Variants in DENND4C observed in about 807,000 individuals in gnomAD.
DENND4C encodes the protein DENN domain containing 4C.
Under a neutral mutation model 203.0 loss-of-function variants are expected in DENND4C, and 108 were observed. The ratio of observed to expected loss-of-function variants is 0.53; its 90% confidence interval spans 0.46 to 0.62. The LOEUF (loss-of-function observed/expected upper bound fraction) is 0.62, where lower values mean the gene tolerates loss of function less well. Among genes scored for constraint, DENND4C ranks in the 20% least tolerant of loss-of-function variants. DENND4C has a pLI of 0.00. For missense variants in DENND4C, 2,481 were observed against 2,301.2 expected (o/e 1.08, Z -1.60); for synonymous variants, 871 against 792.4 (o/e 1.10, Z -1.67).
In DENND4C at chr9:19,346,278, C is replaced by T. The variant is rs1053333770; in HGVS notation, c.3509C>T (p.Pro1170Leu). 1 of 1,614,032 alleles carries T rather than the reference C, an allele frequency of 6.2e-7. No individual in the cohort carries two copies. The highest frequency in any genetic ancestry group is 8.5e-7 in the Non-Finnish European group (1 of 1,180,032). The change falls in exon 23 of 33, where the codon CCT (proline) becomes CTT (leucine). Residue 1170 changes from proline to leucine, a missense_variant. By Grantham distance (98) the Pro-to-Leu change is moderately conservative (BLOSUM62 -3). Around this residue, in one of 3 missense-constraint regions of DENND4C, gnomAD observed 2,289 missense variants for 2,113.3 expected, o/e 1.08. Coordinates refer to ENST00000434457, the MANE Select transcript of DENND4C (RefSeq NM_001330640.2). The part of the protein sequence containing the change: ...RTCMSESTWN[P>L]EHRSSPVPEM... The stretch of plus-strand genomic sequence containing the variant: ...TGTATGTCTGAAAGCACTTGGAATC[C>T]TGAGCACAGATCATCTCCGGTGCCA...
At chr9:19,258,914 C>T (rs2131729422) in intron 1 of DENND4C, among the ~76,000 whole-genome samples, 1 of 152,264 alleles carries the variant, frequency 6.6e-6, no homozygotes, top group Non-Finnish European at 1.5e-5. Flanking sequence ...CTCGGCCTCC[C>T]AAAGTGCTGG....
Position 19,296,011 on chromosome 9 carries a change from T to G in DENND4C, c.805T>G (p.Tyr269Asp), listed in dbSNP as rs777872951. 1 of 1,610,076 alleles carries G rather than the reference T, an allele frequency of 6.2e-7. No homozygotes were observed. The highest frequency in any genetic ancestry group is 8.5e-7 in the Non-Finnish European group (1 of 1,176,492). Reference sequence around the variant, plus strand: ...ACAGAATTCTGTTACTCTTTAGGTATATGGAGCTGCCATTCAGTTTTATGA... The same window carrying G: ...ACAGAATTCTGTTACTCTTTAGGTAGATGGAGCTGCCATTCAGTTTTATGA... The part of the protein sequence containing the change: ...VLTGSSAKKV[Y>D]GAAIQFYEPY... The change falls in exon 6 of 33, where the codon TAT (tyrosine) becomes GAT (aspartate). Residue 269 changes from tyrosine (Y) to aspartate (D), a missense_variant. Tyr to Asp is a radical substitution (Grantham distance 160). Around this residue, in one of 3 missense-constraint regions of DENND4C, gnomAD observed 2,289 missense variants for 2,113.3 expected, o/e 1.08. Coordinates refer to ENST00000434457, the MANE Select transcript of DENND4C (RefSeq NM_001330640.2).
At chr9:19,321,050 G>A (rs1842795521) in intron 12 of DENND4C, among the ~76,000 whole-genome samples, 1 of 152,192 alleles carries the variant, frequency 6.6e-6, no homozygotes, top group Non-Finnish European at 1.5e-5. Flanking sequence ...ATTAGTGCTG[G>A]TTTCAGTTTT....
At chr9:19,343,447 A>T (rs1366013784) in intron 22 of DENND4C, among the ~76,000 whole-genome samples, 1 of 152,220 alleles carries the variant, frequency 6.6e-6, no homozygotes, top group Admixed American at 6.5e-5. Flanking sequence ...GCTGCAGTTG[A>T]CTTTTCTGAA....
At chr9:19,293,402 G>A (rs1326624280) in intron 5 of DENND4C, among the ~76,000 whole-genome samples, 1 of 152,174 alleles carries the variant, frequency 6.6e-6, no homozygotes, top group Admixed American at 6.5e-5. Flanking sequence ...CAGTTGGCAA[G>A]ATTTATAAAA....
chr9:19,270,979 G>A (rs1199015043), intron 1 of DENND4C, among the ~76,000 whole-genome samples: 3 of 152,110 alleles, frequency 2.0e-5, no homozygotes, highest in African/African-American at 7.2e-5. Flanking sequence ...ATTCACAGTA[G>A]CATCTAAATT....
intron 9 of DENND4C, among the ~76,000 whole-genome samples, 170 bp from the exon 10 acceptor site, chr9:19,305,182 T>G (rs1034777530): frequency 6.6e-6 from 1 of 152,344 alleles, no homozygotes; most frequent in East Asian, 1.9e-4. Context: ...ACATTTGTTC[T>G]TAGCATTGCT....
chr9:19,335,114 G>T lies in DENND4C; in HGVS notation c.2589+9G>T. ...ATGGTTATTATAATAAGGTAAGTAG[G>T]ATCGACATTAGGCAAGATGTGGTGT... On this transcript the variant is annotated intron_variant, in intron 18 of 32. Transcript: ENST00000434457. The T allele has an allele frequency of 6.4e-7, 1 of 1,552,282 alleles. No homozygotes were observed. The highest frequency in any genetic ancestry group is 1.4e-5 in the African/African-American group (1 of 73,104).
chr9:19,265,674 A>G (rs1056219936), intron 1 of DENND4C, among the ~76,000 whole-genome samples: 4 of 152,008 alleles, frequency 2.6e-5, no homozygotes, highest in East Asian at 1.9e-4. Flanking sequence ...TTATTGTTCA[A>G]TTCCCACCTA....
Position 19,324,259 on chromosome 9 carries a change from A to T in DENND4C, c.1808-103A>T, listed in dbSNP as rs188575929. The stretch of plus-strand genomic sequence containing the variant: ...TTTTTAAATATGGATATATATATGT[A>T]TATATAAAGAGAATGTAATATAGAT... On this transcript the variant is annotated intron_variant, in intron 12 of 32. Coordinates refer to ENST00000434457, the MANE Select transcript of DENND4C (RefSeq NM_001330640.2). 277 of 769,440 alleles carry T rather than the reference A, an allele frequency of 3.6e-4. 2 individuals are homozygous for T. The African/African-American group carries it at 4.4e-3, about 12-fold the overall frequency. 47.7% of individuals were successfully genotyped at this position (769,440 alleles called of 1,614,324 possible).
chr9:19,242,662 T>G (rs1436777900), intron 1 of DENND4C, among the ~76,000 whole-genome samples: 1 of 152,146 alleles, frequency 6.6e-6, no homozygotes, highest in Non-Finnish European at 1.5e-5. Context: ...TTCTTTTTTT[T>G]TTTTTGTTTT....
intron 22 of DENND4C, among the ~76,000 whole-genome samples, chr9:19,345,226 A>C (rs1266920117): frequency 6.6e-6 from 1 of 152,232 alleles, no homozygotes; most frequent in Admixed American, 6.5e-5. Flanking sequence ...TTCTTTTTCC[A>C]AAGCTGGGGG....
At position 19,275,819 on chromosome 9, in the gene DENND4C, C is replaced by T. The variant is rs373919726; in HGVS notation, c.-17-339C>T. ...ACAGGGTTTCACCAGGTTGGGCACA[C>T]TGGTCGCGAACTTAAGACCTCAGGT... is the stretch of plus-strand genomic sequence containing the variant. On this transcript the variant is annotated intron_variant, in intron 1 of 32. Transcript: ENST00000434457. Among the ~76,000 whole-genome samples the T allele has an allele frequency of 1.8e-4, 27 of 152,272 alleles. No individual in the cohort carries two copies. The East Asian group carries it at 3.5e-3, about 20-fold the overall frequency.
chr9:19,335,020 A>G lies in DENND4C; in HGVS notation c.2504A>G (p.His835Arg), dbSNP rs1563814720. 1.2e-6 allele frequency: 2 copies of G among 1,612,550 alleles called. No homozygotes were observed. Among genetic ancestry groups the G allele is most frequent in the Non-Finnish European group, 1.7e-6 (2 of 1,179,464 alleles). The change falls in exon 18 of 33, where the codon CAT becomes CGT. Residue 835 changes from histidine (H) to arginine (R), a missense_variant. His to Arg is a conservative substitution (Grantham distance 29, BLOSUM62 0). Coordinates refer to ENST00000434457, the MANE Select transcript of DENND4C (RefSeq NM_001330640.2). ...ATGCAGCTTTGTGGACTTTGGGGTC[A>G]TCCTGTTTTAGCAGTGAGAGTCTTA... The part of the protein sequence containing the change: ...VVMQLCGLWG[H>R]PVLAVRVLFE...
rs75464580 is a variant in DENND4C at position 19,332,102 on chromosome 9, C to G, written c.2378C>G (p.Ser793Cys). 3.9e-3 allele frequency: 6,356 copies of G among 1,614,030 alleles called. 227 individuals are homozygous for G. In the African/African-American group the frequency reaches 0.075, roughly 19 times the overall value. ...FICLPAYVRV[S>C]HPKVRALQQA... The stretch of plus-strand genomic sequence containing the variant: ...TGTCTTCCGGCCTATGTTAGAGTTT[C>G]TCATCCTAAAGTCAGAGCACTTCAG... The change falls in exon 17 of 33, where the codon TCT (serine) becomes TGT (cysteine). Residue 793 changes from serine to cysteine, a missense_variant. This residue lies in a region of DENND4C where 2,289 missense variants were observed against 2,113.3 expected (regional missense o/e 1.08). Transcript: ENST00000434457.
At chr9:19,365,966 A>T (rs560513904) in intron 30 of DENND4C, among the ~76,000 whole-genome samples, 31 of 152,310 alleles carry the variant, frequency 2.0e-4, no homozygotes, top group African/African-American at 6.5e-4. Flanking sequence ...GGTCTGGAAA[A>T]GTTAATATTA....
intron 1 of DENND4C, among the ~76,000 whole-genome samples, chr9:19,234,066 TTAATA>T (rs1290502690): frequency 6.6e-6 from 1 of 152,204 alleles, no homozygotes; most frequent in African/African-American, 2.4e-5. Flanking sequence ...GTGATTAATG[TTAATA>T]TAATTGTCTT....
At position 19,332,076 on chromosome 9, in the gene DENND4C, T is replaced by C; in HGVS notation, c.2352T>C (p.Ile784=). The change falls in exon 17 of 33, where the codon ATT becomes ATC. Residue 784 remains isoleucine (I), a synonymous_variant. Coordinates refer to ENST00000434457, the MANE Select transcript of DENND4C (RefSeq NM_001330640.2). ...GTCATTGTTACAGTTTATGGTTTAT[T>C]TGTCTTCCGGCCTATGTTAGAGTTT... is the stretch of plus-strand genomic sequence containing the variant. ...LFSHCYSLWF[I]CLPAYVRVSH... is the part of the protein sequence containing the mutation. 6.2e-7 allele frequency: 1 copy of C among 1,614,130 alleles called. No homozygotes were observed. The highest frequency in any genetic ancestry group is 8.5e-7 in the Non-Finnish European group (1 of 1,179,996).
intron 1 of DENND4C, among the ~76,000 whole-genome samples, chr9:19,232,888 T>A (rs1021417503): frequency 6.6e-6 from 1 of 152,164 alleles, no homozygotes; most frequent in Non-Finnish European, 1.5e-5. Context: ...CTTTGCTCTT[T>A]GTGTATCTGC....
Sources: gnomAD v4.1 joint callset for allele counts (sites outside exome capture counted in the v4.1 genomes callset) on GRCh38, gnomAD v4.1.1 for gene constraint, gnomAD v4.1.1 regional missense constraint, MANE v1.5 for transcripts, NCBI Gene and HGNC (gene_info 2026-07-23, HGNC 2026-07-21) for gene names.